The following FNBP1 variants were observed in gnomAD, a reference collection of about 807,000 sequenced individuals.
The protein encoded by FNBP1 is formin-binding protein 1.
A neutral mutation model predicts 90.6 loss-of-function variants in FNBP1; 26 were observed. The observed-to-expected ratio is 0.29, with a 90% CI of 0.21 to 0.40. FNBP1 has a LOEUF of 0.40. FNBP1 is among the 10% of genes least tolerant of loss of function. The pLI is 1.00. For missense variants in FNBP1, 635 were observed against 768.0 expected (o/e 0.83, Z 2.05); for synonymous variants, 260 against 265.2 (o/e 0.98, Z 0.19).
At chr9:129,952,608 CA>C (rs1009048246) in intron 6 of FNBP1, among the ~76,000 whole-genome samples, 3 of 152,138 alleles carry the variant, frequency 2.0e-5, no homozygotes, top group African/African-American at 7.2e-5. Context: ...AAAGATCTGC[CA>C]GGCAATGTTA....
Position 129,902,994 on chromosome 9 carries a change from T to A in FNBP1, c.1303A>T (p.Ile435Leu), listed in dbSNP as rs768747121. Residue 435 changes from isoleucine (I) to leucine (L), a missense_variant, in exon 13 of 17, where the codon ATA (isoleucine) becomes TTA (leucine). By Grantham distance (5) the Ile-to-Leu change is conservative. Coordinates refer to ENST00000446176, the MANE Select transcript of FNBP1 (RefSeq NM_015033.3). ...AGGTAGACATCTTTCATTTTTGTTA[T>A]GGCATCTCTGAAAGAAAGAACGAGT... is the stretch of plus-strand genomic sequence containing the variant. ...IQKEMDQRDA[I>L]TKMKDVYLKN... The A allele has an allele frequency of 3.2e-6, 5 of 1,574,996 alleles. No individual in the cohort carries two copies. The Admixed American group carries it at 9.5e-5, about 30-fold the overall frequency.
chr9:130,027,369 A>G (rs1023746597), intron 1 of FNBP1, among the ~76,000 whole-genome samples: 13 of 152,190 alleles, frequency 8.5e-5, no homozygotes, highest in African/African-American at 2.9e-4. Flanking sequence ...AACTCTTTGA[A>G]TGTTCCTCAA....
At position 129,887,786 on chromosome 9, in the gene FNBP1, ATCT is replaced by A. The variant is rs1201378561; in HGVS notation, c.*2750_*2752del. ...AGGGCAGGTTCTTTTAAAATTAGTC[ATCT>A]TACAACACAACAGTATTCTAGCACG... On this transcript the variant is annotated 3_prime_UTR_variant, in exon 17 of 17. Transcript: ENST00000446176. 1.3e-5 allele frequency: 3 copies of A among 228,996 alleles called. No individual in the cohort carries two copies. The highest frequency in any genetic ancestry group is 2.6e-5 in the Non-Finnish European group (3 of 115,474). 14.2% of individuals were successfully genotyped at this position (228,996 alleles called of 1,614,324 possible).
intron 10 of FNBP1, chr9:129,919,174 C>A: frequency 7.7e-7 from 1 of 1,300,454 alleles, no homozygotes; most frequent in Non-Finnish European, 1.0e-6. Flanking sequence ...AGTCCCTAGC[C>A]TCAAAGGCAT....
intron 2 of FNBP1, among the ~76,000 whole-genome samples, chr9:129,983,775 C>A (rs781050222): frequency 6.6e-6 from 1 of 152,138 alleles, no homozygotes; most frequent in Non-Finnish European, 1.5e-5. Context: ...CATGCCACTG[C>A]ACTCCAGCCT....
At chr9:130,019,167 C>T (rs1017668730) in intron 1 of FNBP1, among the ~76,000 whole-genome samples, 2 of 151,986 alleles carry the variant, frequency 1.3e-5, no homozygotes, top group African/African-American at 4.8e-5. Flanking sequence ...GCAGAGGTTG[C>T]AGTCAGCCAA....
At chr9:129,895,693 C>A in intron 16 of FNBP1, 145 bp downstream of exon 16, 1 of 1,316,880 alleles carries the variant, frequency 7.6e-7, no homozygotes, top group Non-Finnish European at 9.7e-7. Flanking sequence ...CTGAAGTCCA[C>A]GTGAGACTAC....
intron 15 of FNBP1, among the ~76,000 whole-genome samples, chr9:129,898,538 T>TGGA (rs2131274750): frequency 3.3e-5 from 5 of 152,140 alleles, no homozygotes; most frequent in Admixed American, 3.3e-4. Context: ...GTTGCCAGGC[T>TGGA]GGAGTAAAGT....
At chr9:129,919,863 G>C (rs1358372503) in intron 10 of FNBP1, among the ~76,000 whole-genome samples, 1 of 152,208 alleles carries the variant, frequency 6.6e-6, no homozygotes, top group Admixed American at 6.5e-5. Flanking sequence ...AAGGTAGGAA[G>C]GGCTGTACCA....
intron 1 of FNBP1, among the ~76,000 whole-genome samples, chr9:130,036,768 G>A (rs890797897): frequency 5.3e-5 from 8 of 152,196 alleles, no homozygotes; most frequent in Admixed American, 2.0e-4. Context: ...GCAGTAGGCC[G>A]GGCGCAGTGG....
intron 2 of FNBP1, among the ~76,000 whole-genome samples, chr9:129,983,733 C>T (rs1287538773): frequency 6.6e-6 from 1 of 152,102 alleles, no homozygotes; most frequent in African/African-American, 2.4e-5. Context: ...ATCGCTTAAA[C>T]CTGGGAGGCG....
intron 15 of FNBP1, among the ~76,000 whole-genome samples, chr9:129,898,773 C>T (rs778150019): frequency 2.6e-5 from 4 of 152,166 alleles, no homozygotes; most frequent in Non-Finnish European, 5.9e-5. Flanking sequence ...CAGGCGTGAG[C>T]CACTGCACCC....
At chr9:129,902,817 G>T in intron 13 of FNBP1, 52 bp downstream of exon 13, 1 of 1,598,712 alleles carries the variant, frequency 6.3e-7, no homozygotes, top group Non-Finnish European at 8.5e-7. Context: ...CTACACCGAG[G>T]AACACCTGTT....
At chr9:129,991,686 G>A (rs1256717723) in intron 2 of FNBP1, among the ~76,000 whole-genome samples, 6 of 148,054 alleles carry the variant, frequency 4.1e-5, no homozygotes, top group Admixed American at 6.8e-5. Flanking sequence ...TTGAGATGGC[G>A]TCTCACTCTG....
intron 1 of FNBP1, among the ~76,000 whole-genome samples, chr9:130,009,152 T>C (rs1175421038): frequency 6.6e-6 from 1 of 152,194 alleles, no homozygotes; most frequent in Non-Finnish European, 1.5e-5. Flanking sequence ...CCCTGGCATC[T>C]GAAACTTAGT....
chr9:130,040,978 T>C (rs564435604), intron 1 of FNBP1, among the ~76,000 whole-genome samples: 3 of 150,614 alleles, frequency 2.0e-5, no homozygotes, highest in African/African-American at 7.3e-5. Flanking sequence ...CCATTTATTA[T>C]TTTTTTCTTT....
Position 129,890,413 on chromosome 9 carries a change from C to A in FNBP1, c.*126G>T. The A allele has an allele frequency of 1.4e-6, 1 of 693,586 alleles. No individual in the cohort carries two copies. The allele number at this position is 693,586 out of a possible 1,614,324, so 43.0% of individuals were successfully genotyped here. A position where few individuals can be genotyped will look rare whatever the true frequency, so the allele number is the denominator to read the frequency against. On this transcript the variant is annotated 3_prime_UTR_variant, in exon 17 of 17. Transcript: ENST00000446176. The surrounding 1 kb of genome is among the most constrained non-coding windows in gnomAD (Gnocchi z 5.8). ...GGAGCATGCTGGAGAGAGAGAGAGA[C>A]CGCCCCGCAGGGATGGGGCTGCGGA...
rs561182615 is a variant in FNBP1, at chr9:129,925,234, C to T, written c.790-77G>A. On this transcript the variant is annotated intron_variant, in intron 8 of 16. Coordinates refer to ENST00000446176, the MANE Select transcript of FNBP1 (RefSeq NM_015033.3). ...TTTTAAACAATGAATTGGCCAGGTG[C>T]GGTGGCTCATGCCTGTAATCCCAGC... The T allele has an allele frequency of 5.6e-4, 671 of 1,203,814 alleles. 6 individuals are homozygous for T. The South Asian group carries it at 8.4e-3, about 15-fold the overall frequency. The allele number at this position is 1,203,814 out of a possible 1,614,324, so 74.6% of individuals were successfully genotyped here.
chr9:130,052,490 T>C, the FNBP1 span, among the ~76,000 whole-genome samples: 1 of 152,118 alleles, frequency 6.6e-6, no homozygotes, highest in African/African-American at 2.4e-5. Context: ...TGGAGTGCAG[T>C]GGCATGATCT....
Sources: gnomAD v4.1 joint callset for allele counts (sites outside exome capture counted in the v4.1 genomes callset) on GRCh38, gnomAD v4.1.1 for gene constraint, Gnocchi (gnomAD v3.1) non-coding constraint, MANE v1.5 for transcripts, NCBI Gene and HGNC (gene_info 2026-07-23, HGNC 2026-07-21) for gene names.